Variants in GADL1 observed in about 807,000 individuals in gnomAD.
The protein encoded by GADL1 is acidic amino acid decarboxylase GADL1.
GADL1 carries 71 observed loss-of-function variants against 69.5 expected under a neutral mutation model. The ratio of observed to expected loss-of-function variants is 1.02; its 90% CI spans 0.84 to 1.25. The LOEUF is 1.25. Among genes scored for constraint, GADL1 ranks in the 50% most tolerant of loss-of-function variants. The probability of loss-of-function intolerance (pLI) is 0.00; values close to 1 mark genes in which losing one functional copy is unlikely to be tolerated. For missense variants in GADL1, 737 were observed against 631.8 expected, an observed-to-expected ratio of 1.17 and a Z score of -1.79; for synonymous variants, 254 against 214.4, an observed-to-expected ratio of 1.18 and a Z score of -1.62.
chr3:30,812,567 C>T (rs1044784413), intron 11 of GADL1, among the ~76,000 whole-genome samples: 3 of 152,242 alleles, frequency 2.0e-5, no homozygotes, highest in Admixed American at 2.0e-4. Flanking sequence ...AACTACTTCC[C>T]ACTGGGTCCT....
At chr3:30,889,414 C>T (rs1698756384) in intron 1 of GADL1, among the ~76,000 whole-genome samples, 1 of 152,208 alleles carries the variant, frequency 6.6e-6, no homozygotes, top group South Asian at 2.1e-4. Flanking sequence ...ATGGTGGCCA[C>T]CTTGCAAACA....
At chr3:30,866,373 C>G (rs1458150921) in intron 1 of GADL1, among the ~76,000 whole-genome samples, 1 of 152,016 alleles carries the variant, frequency 6.6e-6, no homozygotes, top group Non-Finnish European at 1.5e-5. Context: ...GCACAAGAAT[C>G]AGTTGAACCT....
chr3:30,821,179 G>A (rs1015219239), intron 11 of GADL1, among the ~76,000 whole-genome samples: 2 of 151,978 alleles, frequency 1.3e-5, no homozygotes, highest in Non-Finnish European at 2.9e-5. Context: ...TGCTGGGTGT[G>A]GGGAGGCGGG....
intron 1 of GADL1, among the ~76,000 whole-genome samples, chr3:30,874,566 C>T (rs575316037): frequency 2.6e-5 from 4 of 151,984 alleles, no homozygotes; most frequent in East Asian, 3.9e-4. Context: ...TTGAGAGAAC[C>T]AAGGTTTGAT....
chr3:30,796,673 G>T (rs1324262496), intron 12 of GADL1, among the ~76,000 whole-genome samples: 1 of 152,162 alleles, frequency 6.6e-6, no homozygotes, highest in East Asian at 1.9e-4. Context: ...CTGAAGGAAA[G>T]CAGAACTGAA....
At chr3:30,786,163 T>A (rs984580956) in intron 13 of GADL1, among the ~76,000 whole-genome samples, 192 bp downstream of exon 13, 1 of 152,232 alleles carries the variant, frequency 6.6e-6, no homozygotes, top group East Asian at 1.9e-4. Context: ...AAGGCAAGTA[T>A]ATTCTGTGAA....
At chr3:30,806,233 TTAGAAAA>T (rs1341687264) in intron 11 of GADL1, among the ~76,000 whole-genome samples, 3 of 152,162 alleles carry the variant, frequency 2.0e-5, no homozygotes, top group Non-Finnish European at 4.4e-5. Flanking sequence ...TCTAAATGAC[TTAGAAAA>T]TAGGAATATT....
At chr3:30,751,337 G>C (rs1231204971) in intron 14 of GADL1, among the ~76,000 whole-genome samples, 1 of 152,018 alleles carries the variant, frequency 6.6e-6, no homozygotes, top group South Asian at 2.1e-4. Flanking sequence ...GGAGACTCTT[G>C]AGCCGCTTGC....
At position 30,889,207 on chromosome 3, in the gene GADL1, T is replaced by C. The variant is rs1698751752; in HGVS notation, c.37+5371A>G. On this transcript the variant is annotated intron_variant, in intron 1 of 14. Coordinates refer to ENST00000282538, the MANE Select transcript of GADL1 (RefSeq NM_207359.3). ...AAGACCAAAGGCATGTTTTACATGGTGGGAGGCAAGACAGCGTGTGCAGTG... is the reference window on the plus strand; with the variant it reads ...AAGACCAAAGGCATGTTTTACATGGCGGGAGGCAAGACAGCGTGTGCAGTG... Among the ~76,000 whole-genome samples, 3 of 147,888 alleles carry C rather than the reference T, an allele frequency of 2.0e-5. No individual in the cohort carries two copies. In the Admixed American group the frequency reaches 2.0e-4, roughly 10 times the overall value.
intron 14 of GADL1, among the ~76,000 whole-genome samples, chr3:30,739,999 T>C (rs1695592792): frequency 6.6e-6 from 1 of 152,184 alleles, no homozygotes. Flanking sequence ...TTTATGGAGC[T>C]TGCTCAACAC....
chr3:30,830,951 CATAATTG>C lies in GADL1; in HGVS notation c.1050+2895_1050+2901del, dbSNP rs371000459. Among the ~76,000 whole-genome samples, 45 of 151,682 alleles carry C rather than the reference CATAATTG, an allele frequency of 3.0e-4. No homozygotes were observed. In the Middle Eastern group the frequency reaches 0.014, roughly 46 times the overall value. The stretch of plus-strand genomic sequence containing the variant: ...TGACACCTGCTTCTCTCTCATCTCC[CATAATTG>C]ATAATTGATAATAATTGATAATTGA... On this transcript the variant is annotated intron_variant, in intron 11 of 14. Transcript: ENST00000282538.
At chr3:30,756,991 G>A (rs1030381028) in intron 14 of GADL1, among the ~76,000 whole-genome samples, 2 of 152,088 alleles carry the variant, frequency 1.3e-5, no homozygotes, top group African/African-American at 2.4e-5. Context: ...GAAAATGTGT[G>A]GGTCTTGAGA....
Position 30,733,889 on chromosome 3 carries a change from G to T in GADL1, c.1393-5474C>A, listed in dbSNP as rs140705383. ...ATTCAGACTTTGATGGGCTTTCCCC[G>T]TGCCTCCCCCTTCTGAGGGGGTGCT... On this transcript the variant is annotated intron_variant, in intron 14 of 14. Coordinates refer to ENST00000282538, the MANE Select transcript of GADL1 (RefSeq NM_207359.3). 8.9e-4 allele frequency among the ~76,000 whole-genome samples: 135 copies of T among 152,166 alleles called. 1 individual carries two copies. The South Asian group carries it at 0.022, about 25-fold the overall frequency.
intron 14 of GADL1, among the ~76,000 whole-genome samples, chr3:30,747,750 C>A (rs73056874): frequency 6.6e-6 from 1 of 152,010 alleles, no homozygotes; most frequent in Non-Finnish European, 1.5e-5. Context: ...CTTTGTTTAT[C>A]CTATCCTGTA....
chr3:30,884,077 T>C lies in GADL1; in HGVS notation c.37+10501A>G, dbSNP rs187857512. ...AGTCTACAAAATTCTGCTATTCCAC[T>C]GCCAATAAGGAACAGGAAGGGAATG... is the stretch of plus-strand genomic sequence containing the variant. On this transcript the variant is annotated intron_variant, in intron 1 of 14. Transcript: ENST00000282538. Among the ~76,000 whole-genome samples the C allele has an allele frequency of 3.3e-3, 506 of 152,000 alleles. 1 individual carries two copies. The highest frequency in any genetic ancestry group is 0.012 in the South Asian group (57 of 4,790).
chr3:30,821,475 T>A, intron 11 of GADL1, among the ~76,000 whole-genome samples: 1 of 151,558 alleles, frequency 6.6e-6, no homozygotes, highest in Admixed American at 6.6e-5. Context: ...TGATCCCTAC[T>A]AAAACCATGT....
intron 14 of GADL1, among the ~76,000 whole-genome samples, chr3:30,756,214 A>T (rs73826105): frequency 2.2e-4 from 33 of 152,322 alleles, no homozygotes; most frequent in African/African-American, 7.9e-4. Context: ...GACAATGAAC[A>T]TGGAGCTTGG....
At chr3:30,821,175 G>C (rs1008750495) in intron 11 of GADL1, among the ~76,000 whole-genome samples, 2 of 152,050 alleles carry the variant, frequency 1.3e-5, no homozygotes, top group South Asian at 4.1e-4. Context: ...GGACTGCTGG[G>C]TGTGGGGAGG....
At chr3:30,783,545 G>A (rs1696720085) in intron 13 of GADL1, among the ~76,000 whole-genome samples, 1 of 151,990 alleles carries the variant, frequency 6.6e-6, no homozygotes, top group African/African-American at 2.4e-5. Flanking sequence ...TCAAATACAT[G>A]TACATATACA....
Sources: allele counts gnomAD v4.1 joint callset (sites outside exome capture counted in the v4.1 genomes callset), GRCh38; gene constraint gnomAD v4.1.1; transcripts MANE v1.5; gene names NCBI Gene and HGNC (gene_info 2026-07-23, HGNC 2026-07-21).